Variants in NAV2 observed in about 807,000 individuals in gnomAD.
The protein encoded by NAV2 is helicase, APC down-regulated 1.
A neutral mutation model predicts 223.2 loss-of-function variants in NAV2; 54 were observed. That is an observed-to-expected ratio of 0.24 (90% CI 0.19 to 0.30). The LOEUF is 0.30. NAV2 is among the 10% of genes least tolerant of loss of function. The probability of loss-of-function intolerance (pLI) is 1.00; values close to 1 mark genes in which losing one functional copy is unlikely to be tolerated. For missense variants in NAV2, 2,806 were observed against 3,147.5 expected, an observed-to-expected ratio of 0.89 and a Z score of 2.60; for synonymous variants, 1,279 against 1,239.3, an observed-to-expected ratio of 1.03 and a Z score of -0.67.
chr11:19,699,311 C>T (rs1179735275), intron 1 of NAV2, among the ~76,000 whole-genome samples: 2 of 152,198 alleles, frequency 1.3e-5, no homozygotes, highest in Non-Finnish European at 2.9e-5. Context: ...TACTTCCAAG[C>T]ATTGTTTGAA....
chr11:19,779,185 C>T (rs1239903018), intron 1 of NAV2, among the ~76,000 whole-genome samples: 1 of 152,128 alleles, frequency 6.6e-6, no homozygotes, highest in Non-Finnish European at 1.5e-5. Flanking sequence ...ACTGTGAGGA[C>T]CACCCAAGGT....
chr11:19,868,529 C>T (rs1371963295), intron 3 of NAV2, among the ~76,000 whole-genome samples: 1 of 152,210 alleles, frequency 6.6e-6, no homozygotes, highest in Non-Finnish European at 1.5e-5. Context: ...ACTGTTGGTA[C>T]ATTTGACTGC....
chr11:19,957,367 C>G (rs995281222), intron 10 of NAV2, among the ~76,000 whole-genome samples: 4 of 152,216 alleles, frequency 2.6e-5, no homozygotes, highest in African/African-American at 9.7e-5. Context: ...ACAATGGTCT[C>G]TTTTCCTAAG....
intron 18 of NAV2, among the ~76,000 whole-genome samples, chr11:20,055,442 G>A (rs915123816): frequency 2.6e-4 from 40 of 152,264 alleles, no homozygotes; most frequent in African/African-American, 8.7e-4. Flanking sequence ...ACTATTTTGG[G>A]CTTTTGGCTT....
intron 36 of NAV2, among the ~76,000 whole-genome samples, chr11:20,112,146 T>C (rs2062688544): frequency 1.3e-5 from 2 of 152,236 alleles, no homozygotes; most frequent in South Asian, 2.1e-4. Context: ...ATGGTTCTAA[T>C]GTGGAGCAGC....
At chr11:19,691,737 C>T (rs1407998232) in intron 1 of NAV2, among the ~76,000 whole-genome samples, 2 of 152,110 alleles carry the variant, frequency 1.3e-5, no homozygotes, top group Non-Finnish European at 2.9e-5. Context: ...CACTGAAGAA[C>T]AGCAGTCCCC....
chr11:20,100,380 T>C (rs1554965233), intron 31 of NAV2, among the ~76,000 whole-genome samples: 1 of 152,206 alleles, frequency 6.6e-6, no homozygotes, highest in African/African-American at 2.4e-5. Flanking sequence ...GCATTTTTCC[T>C]CCTTTTAAAG....
intron 1 of NAV2, among the ~76,000 whole-genome samples, chr11:19,689,777 G>T (rs1162988142): frequency 6.6e-6 from 1 of 152,126 alleles, no homozygotes; most frequent in South Asian, 2.1e-4. Flanking sequence ...GCAGGGTTTT[G>T]GTGTCACTGT....
intron 10 of NAV2, among the ~76,000 whole-genome samples, chr11:19,970,609 G>A (rs1236979565): frequency 6.6e-6 from 1 of 152,176 alleles, no homozygotes; most frequent in Admixed American, 6.5e-5. Flanking sequence ...TAATAACAGA[G>A]CTACCTTTAT....
chr11:19,538,891 T>TATATATATA (rs2044261033), intron 1 of NAV2, among the ~76,000 whole-genome samples: 1 of 146,426 alleles, frequency 6.8e-6, no homozygotes, highest in African/African-American at 2.7e-5. Context: ...TAATGACATT[T>TATATATATA]TATATATATA....
intron 1 of NAV2, among the ~76,000 whole-genome samples, chr11:19,557,719 C>T (rs1177152534): frequency 1.3e-5 from 2 of 152,176 alleles, no homozygotes; most frequent in African/African-American, 4.8e-5. Flanking sequence ...CCACACCGAA[C>T]ACAGAACAGA....
chr11:19,372,337 A>G (rs1197795659), intron 1 of NAV2, among the ~76,000 whole-genome samples: 1 of 152,166 alleles, frequency 6.6e-6, no homozygotes, highest in Non-Finnish European at 1.5e-5. Flanking sequence ...GACTCCTTCA[A>G]TCAGGTCCCT....
intron 1 of NAV2, among the ~76,000 whole-genome samples, chr11:19,653,028 AC>A (rs1215971382): frequency 3.3e-5 from 5 of 151,162 alleles, no homozygotes; most frequent in African/African-American, 7.3e-5. Context: ...CCAGCCACAG[AC>A]CCCAACTATG....
chr11:19,668,941 A>G (rs2048503223), intron 1 of NAV2, among the ~76,000 whole-genome samples: 1 of 152,156 alleles, frequency 6.6e-6, no homozygotes, highest in African/African-American at 2.4e-5. Flanking sequence ...TATGGGAGAC[A>G]ATTAGGAAAC....
rs2057896502 is a variant in NAV2, at chr11:19,796,361, AT to A, written c.268-36121del. On this transcript the variant is annotated intron_variant, in intron 1 of 37. Transcript: ENST00000349880. Reference sequence around the variant, plus strand: ...CTCAATCCTCATGCAGGTGCACCTTATTGACAGAACCCAAATTAAACAAACC... The same window carrying A: ...CTCAATCCTCATGCAGGTGCACCTTATGACAGAACCCAAATTAAACAAACC... Among the ~76,000 whole-genome samples the A allele has an allele frequency of 2.0e-5, 3 of 152,190 alleles. No individual in the cohort carries two copies. The South Asian group carries it at 6.2e-4, about 32-fold the overall frequency.
chr11:19,603,727 G>C (rs554426866), intron 1 of NAV2, among the ~76,000 whole-genome samples: 1 of 152,046 alleles, frequency 6.6e-6, no homozygotes, highest in Non-Finnish European at 1.5e-5. Context: ...CTAAAGCAGG[G>C]AGAGAGGAAA....
chr11:20,044,852 C>T, intron 13 of NAV2, 116 bp from the exon 14 acceptor site: 1 of 786,062 alleles, frequency 1.3e-6, no homozygotes, highest in Non-Finnish European at 2.0e-6. Flanking sequence ...GCTCTTTCCT[C>T]TGCCTCCCCA....
At chr11:19,925,418 C>G (rs570499822) in intron 6 of NAV2, among the ~76,000 whole-genome samples, 1 of 152,226 alleles carries the variant, frequency 6.6e-6, no homozygotes, top group East Asian at 1.9e-4. Flanking sequence ...ATGTATAGAT[C>G]TTAGATCCAT....
At chr11:19,418,051 T>C (rs976907239) in intron 1 of NAV2, among the ~76,000 whole-genome samples, 3 of 152,146 alleles carry the variant, frequency 2.0e-5, no homozygotes, top group Admixed American at 6.5e-5. Context: ...CAAACCATCA[T>C]GGCATGTGTA....
Sources: allele counts gnomAD v4.1 joint callset (sites outside exome capture counted in the v4.1 genomes callset), GRCh38; gene constraint gnomAD v4.1.1; transcripts MANE v1.5; gene names NCBI Gene and HGNC (gene_info 2026-07-23, HGNC 2026-07-21).